PURG: variants seen among roughly 807,000 people sequenced by gnomAD.
The protein encoded by PURG is purine rich element binding protein G.
A neutral mutation model predicts 24.3 loss-of-function variants in PURG; 3 were observed. That is an observed-to-expected ratio of 0.12 (90% CI 0.06 to 0.32). The LOEUF (loss-of-function observed/expected upper bound fraction) is 0.32. Among genes scored for constraint, PURG ranks in the 10% least tolerant of loss-of-function variants. PURG has a pLI of 1.00. For missense variants in PURG, 371 were observed against 439.1 expected (o/e 0.84, Z 1.39); for synonymous variants, 180 against 173.1 (o/e 1.04, Z -0.31).
intron 1 of PURG, among the ~76,000 whole-genome samples, chr8:31,020,124 G>A (rs558076431): frequency 6.6e-6 from 1 of 152,160 alleles, no homozygotes; most frequent in African/African-American, 2.4e-5. Flanking sequence ...ACAAAAAAAG[G>A]TACTATAAAC....
downstream of PURG, among the ~76,000 whole-genome samples, chr8:31,028,571 C>G (rs907033441): frequency 6.6e-6 from 1 of 151,778 alleles, no homozygotes; most frequent in African/African-American, 2.4e-5. Flanking sequence ...TCCACCCTGT[C>G]ATTTATTTTT....
chr8:31,028,608 G>A (rs1277941511), downstream of PURG, among the ~76,000 whole-genome samples: 1 of 151,716 alleles, frequency 6.6e-6, no homozygotes, highest in Non-Finnish European at 1.5e-5. Flanking sequence ...GTGCAAATAA[G>A]CTTGTGTTTG....
chr8:31,019,325 T>C (rs1432667172), intron 1 of PURG, among the ~76,000 whole-genome samples: 4 of 131,440 alleles, frequency 3.0e-5, no homozygotes, highest in Non-Finnish European at 6.5e-5. Flanking sequence ...GAAACACCTC[T>C]AATTTTTTTT....
chr8:31,000,924 A>G (rs1810524628), intron 1 of PURG, among the ~76,000 whole-genome samples: 1 of 152,234 alleles, frequency 6.6e-6, no homozygotes, highest in African/African-American at 2.4e-5. Context: ...CAAGTTAATC[A>G]CAGGATATTC....
chr8:31,025,740 C>T (rs1041890236), intron 1 of PURG, among the ~76,000 whole-genome samples: 2 of 151,168 alleles, frequency 1.3e-5, no homozygotes, highest in African/African-American at 2.4e-5. Context: ...TTTTTGGGGA[C>T]GGGTGCTCAC....
intron 1 of PURG, among the ~76,000 whole-genome samples, chr8:30,999,306 A>C (rs1428862069): frequency 1.3e-5 from 2 of 151,920 alleles, no homozygotes; most frequent in African/African-American, 2.4e-5. Context: ...TCAGGAATTC[A>C]GTTATTTTTA....
intron 1 of PURG, among the ~76,000 whole-genome samples, chr8:31,011,386 CAG>C (rs895728859): frequency 1.3e-5 from 2 of 152,104 alleles, no homozygotes; most frequent in African/African-American, 4.8e-5. Context: ...TGAAATGAAA[CAG>C]AATAGTTATT....
At chr8:31,011,618 A>G (rs1449033944) in intron 1 of PURG, among the ~76,000 whole-genome samples, 1 of 152,190 alleles carries the variant, frequency 6.6e-6, no homozygotes. Context: ...GTACCAACAA[A>G]CTGTCTAGCA....
intron 1 of PURG, among the ~76,000 whole-genome samples, chr8:31,019,734 T>C (rs958549490): frequency 6.6e-6 from 1 of 151,368 alleles, no homozygotes; most frequent in Non-Finnish European, 1.5e-5. Flanking sequence ...GGTTTCACTA[T>C]GTTAGCCAGG....
chr8:31,017,506 G>T (rs1393645550), intron 1 of PURG, among the ~76,000 whole-genome samples: 1 of 151,920 alleles, frequency 6.6e-6, no homozygotes, highest in Non-Finnish European at 1.5e-5. Context: ...TTAGAAATGT[G>T]CAATATAGTT....
At chr8:31,021,122 G>A (rs1406219754) in intron 1 of PURG, among the ~76,000 whole-genome samples, 3 of 152,262 alleles carry the variant, frequency 2.0e-5, no homozygotes, top group Non-Finnish European at 4.4e-5. Context: ...ATGAAAATGA[G>A]TGGAATGATA....
Position 31,031,581 on chromosome 8 carries a change from C to A in PURG, c.*158G>T, listed in dbSNP as rs764636502. The A allele has an allele frequency of 4.6e-5, 31 of 680,720 alleles. No individual in the cohort carries two copies. The highest frequency in any genetic ancestry group is 8.8e-5 in the Admixed American group (3 of 34,110). The allele number at this position is 680,720 out of a possible 1,614,324, so 42.2% of individuals were successfully genotyped here. ...AAGAATTATAGTGATCTATGTGTAA[C>A]ATAACATGAGAATCAGACTTCCTGA... On this transcript the variant is annotated 3_prime_UTR_variant, in exon 2 of 2. Coordinates refer to ENST00000523392, the MANE Select transcript of PURG (RefSeq NM_001323311.2).
chr8:31,027,402 TG>T (rs1406839322), downstream of PURG, among the ~76,000 whole-genome samples: 1 of 151,720 alleles, frequency 6.6e-6, no homozygotes, highest in Non-Finnish European at 1.5e-5. Context: ...CTCACACTTA[TG>T]AAAAAATTAT....
At chr8:31,022,675 T>C (rs905907401) in intron 1 of PURG, among the ~76,000 whole-genome samples, 13 of 152,362 alleles carry the variant, frequency 8.5e-5, no homozygotes, top group African/African-American at 2.9e-4. Context: ...TTATAATGAA[T>C]GGAATTTTAG....
chr8:31,028,522 T>C (rs1171982039), downstream of PURG, among the ~76,000 whole-genome samples: 2 of 151,854 alleles, frequency 1.3e-5, no homozygotes, highest in African/African-American at 2.4e-5. Flanking sequence ...GAAATTCTCA[T>C]ATTAGAACCA....
At position 31,010,921 on chromosome 8, in the gene PURG, AG is replaced by A. The variant is rs1810749597; in HGVS notation, c.865-14225del. On this transcript the variant is annotated intron_variant, in intron 1 of 1. Coordinates refer to the PURG transcript ENST00000339382. ...TAATGACCAGTTATGGAAAACTTTC[AG>A]GACAAATTTTTGGTACTCATGATTA... Among the ~76,000 whole-genome samples, 3 of 152,354 alleles carry A rather than the reference AG, an allele frequency of 2.0e-5. No individual in the cohort carries two copies. In the South Asian group the frequency reaches 6.2e-4, roughly 32 times the overall value.
chr8:31,000,094 T>C (rs1176890839), intron 1 of PURG, among the ~76,000 whole-genome samples: 1 of 152,146 alleles, frequency 6.6e-6, no homozygotes, highest in South Asian at 2.1e-4. Flanking sequence ...GAAAACAGTA[T>C]TAAACACTGA....
chr8:31,021,424 G>A (rs1162685015), intron 1 of PURG, among the ~76,000 whole-genome samples: 1 of 152,158 alleles, frequency 6.6e-6, no homozygotes, highest in East Asian at 1.9e-4. Context: ...AGTTGATCAA[G>A]ATTAGAGGTT....
chr8:31,023,163 A>AAGAGGGAG (rs1811028380), intron 1 of PURG, among the ~76,000 whole-genome samples: 1 of 152,256 alleles, frequency 6.6e-6, no homozygotes, highest in Non-Finnish European at 1.5e-5. Flanking sequence ...AGGAGAAAAG[A>AAGAGGGAG]GAGAAAACAT....
Sources: allele counts gnomAD v4.1 joint callset (sites outside exome capture counted in the v4.1 genomes callset), GRCh38; gene constraint gnomAD v4.1.1; transcripts MANE v1.5; gene names NCBI Gene and HGNC (gene_info 2026-07-23, HGNC 2026-07-21).